The following ANKH variants were observed in gnomAD, a reference collection of about 807,000 sequenced individuals.
The protein encoded by ANKH is mineralization regulator ANKH.
A neutral mutation model predicts 49.0 loss-of-function variants in ANKH; 15 were observed. That is an observed-to-expected ratio of 0.31 (90% confidence interval 0.20 to 0.47). The LOEUF is 0.47. Ranked by LOEUF, ANKH falls within the 20% of genes least tolerant of loss-of-function variation. The pLI is 1.00. For synonymous variants in ANKH, 273 were observed against 260.0 expected, an observed-to-expected ratio of 1.05 and a Z score of -0.48; for missense variants, 429 against 652.0, an observed-to-expected ratio of 0.66 and a Z score of 3.72.
intron 8 of ANKH, among the ~76,000 whole-genome samples, chr5:14,718,930 A>G (rs970658899): frequency 1.3e-4 from 19 of 151,838 alleles, no homozygotes; most frequent in South Asian, 4.2e-4. Context: ...CCACAGAGAC[A>G]GAGCAGAAGG....
intron 8 of ANKH, among the ~76,000 whole-genome samples, chr5:14,731,259 T>A (rs924873868): frequency 1.6e-4 from 24 of 152,142 alleles, no homozygotes; most frequent in African/African-American, 5.6e-4. Context: ...AGGGGCAGCC[T>A]GGTGCACACA....
chr5:14,743,538 G>T (rs770309255), intron 7 of ANKH, among the ~76,000 whole-genome samples: 8 of 152,212 alleles, frequency 5.3e-5, no homozygotes, highest in Admixed American at 1.3e-4. Flanking sequence ...TGCACTAGTG[G>T]AAACCTTTCT....
intron 1 of ANKH, among the ~76,000 whole-genome samples, chr5:14,835,964 T>C (rs996469637): frequency 3.3e-5 from 5 of 152,170 alleles, no homozygotes; most frequent in African/African-American, 4.8e-5. Context: ...TGGTTCAACA[T>C]ATGCAAATCA....
chr5:14,763,382 G>A (rs550791031), intron 2 of ANKH, among the ~76,000 whole-genome samples: 5 of 152,264 alleles, frequency 3.3e-5, no homozygotes, highest in South Asian at 4.1e-4. Context: ...AAATCACTTC[G>A]ATAAATACAC....
chr5:14,855,325 T>C (rs555811374), intron 1 of ANKH, among the ~76,000 whole-genome samples: 55 of 152,294 alleles, frequency 3.6e-4, no homozygotes, highest in South Asian at 8.3e-4. Context: ...TATTAATAGA[T>C]AGACTCACCT....
At chr5:14,715,341 G>A (rs546001577) in intron 9 of ANKH, among the ~76,000 whole-genome samples, 7 of 152,330 alleles carry the variant, frequency 4.6e-5, no homozygotes, top group African/African-American at 1.4e-4. Flanking sequence ...ATGTTGGTGA[G>A]GCTGGTCTCG....
intron 5 of ANKH, among the ~76,000 whole-genome samples, chr5:14,750,402 T>C (rs1738672708): frequency 6.6e-6 from 1 of 152,196 alleles, no homozygotes; most frequent in South Asian, 2.1e-4. Context: ...ATCTACCTCC[T>C]CCAAGGAGGC....
rs554177557 is a variant in ANKH at position 14,782,436 on chromosome 5, C to A, written c.97-13245G>T. Among the ~76,000 whole-genome samples the A allele has an allele frequency of 2.4e-4, 37 of 152,286 alleles. 1 individual carries two copies. The South Asian group carries it at 7.7e-3, about 32-fold the overall frequency. On this transcript the variant is annotated intron_variant, in intron 1 of 11. Transcript: ENST00000284268. ...AAATCCAGAGAGCTTGGCTTCACAG[C>A]TAGCGATCCTAACCCTCATTCTATT...
chr5:14,733,939 C>A (rs1738086059), intron 8 of ANKH, among the ~76,000 whole-genome samples: 1 of 152,214 alleles, frequency 6.6e-6, no homozygotes, highest in Non-Finnish European at 1.5e-5. Flanking sequence ...TGTCTTTAAG[C>A]TGAGACTAAG....
chr5:14,787,953 G>C (rs1323603132), intron 1 of ANKH, among the ~76,000 whole-genome samples: 1 of 152,178 alleles, frequency 6.6e-6, no homozygotes, highest in Non-Finnish European at 1.5e-5. Flanking sequence ...ATTAGTGCTG[G>C]TTTAAGCCCT....
intron 6 of ANKH, among the ~76,000 whole-genome samples, chr5:14,746,171 A>G (rs1738532184): frequency 6.6e-6 from 1 of 152,118 alleles, no homozygotes; most frequent in Admixed American, 6.5e-5. Context: ...ACTCTGCCTC[A>G]TCCCTGGGAG....
intron 8 of ANKH, among the ~76,000 whole-genome samples, chr5:14,729,503 T>C (rs1268218802): frequency 6.1e-5 from 9 of 148,064 alleles, no homozygotes; most frequent in Non-Finnish European, 1.2e-4. Context: ...AAAAAAAAAG[T>C]CTTCTAATTG....
At chr5:14,711,429 C>A (rs1161912737) in intron 11 of ANKH, 119 bp from the exon 12 acceptor site, 6 of 838,552 alleles carry the variant, frequency 7.2e-6, no homozygotes, top group African/African-American at 3.3e-5. Flanking sequence ...CTTAAACCTT[C>A]TTATGGTTGG....
chr5:14,729,078 C>G (rs1046925247), intron 8 of ANKH, among the ~76,000 whole-genome samples: 3 of 151,688 alleles, frequency 2.0e-5, no homozygotes, highest in Non-Finnish European at 4.4e-5. Flanking sequence ...TTTTTTGAGA[C>G]AGTCTTGCTC....
In ANKH at chr5:14,729,201, G is replaced by A. The variant is rs555950871; in HGVS notation, c.1012-12366C>T. 1.2e-4 allele frequency among the ~76,000 whole-genome samples: 19 copies of A among 152,054 alleles called. No individual in the cohort carries two copies. The South Asian group carries it at 2.5e-3, about 20-fold the overall frequency. On this transcript the variant is annotated intron_variant, in intron 8 of 11. Transcript: ENST00000284268. ...CCCGAGTGGCTGGGATTACAGGCACGTGCCACCATGCCTGGCTAATTTTGT... is the reference window on the plus strand; with the variant it reads ...CCCGAGTGGCTGGGATTACAGGCACATGCCACCATGCCTGGCTAATTTTGT...
chr5:14,784,964 G>T (rs577753783), intron 1 of ANKH, among the ~76,000 whole-genome samples: 2 of 152,260 alleles, frequency 1.3e-5, no homozygotes, highest in Admixed American at 1.3e-4. Context: ...ACTGTGGAAA[G>T]CTCCACTGGT....
At chr5:14,785,351 G>A (rs1287155719) in intron 1 of ANKH, among the ~76,000 whole-genome samples, 1 of 152,162 alleles carries the variant, frequency 6.6e-6, no homozygotes, top group Non-Finnish European at 1.5e-5. Context: ...TCAGCACCAT[G>A]GTGATGAGTG....
intron 1 of ANKH, among the ~76,000 whole-genome samples, chr5:14,780,213 A>G (rs1739765247): frequency 6.6e-6 from 1 of 152,268 alleles, no homozygotes; most frequent in South Asian, 2.1e-4. Context: ...CTGGGCCCTG[A>G]CCTTGTTATA....
chr5:14,817,011 C>T (rs1481385464), intron 1 of ANKH, among the ~76,000 whole-genome samples: 1 of 152,148 alleles, frequency 6.6e-6, no homozygotes, highest in African/African-American at 2.4e-5. Flanking sequence ...CTTCGATGAT[C>T]CCATACCATG....
Sources: gnomAD v4.1 joint callset for allele counts (sites outside exome capture counted in the v4.1 genomes callset) on GRCh38, gnomAD v4.1.1 for gene constraint, MANE v1.5 for transcripts, NCBI Gene and HGNC (gene_info 2026-07-23, HGNC 2026-07-21) for gene names.